MGA: variants seen among roughly 807,000 people sequenced by gnomAD.
The protein encoded by MGA is MAX dimerization protein MGA.
A neutral mutation model predicts 261.1 loss-of-function variants in MGA; 40 were observed. The ratio of observed to expected loss-of-function variants is 0.15; its 90% CI spans 0.12 to 0.20. The LOEUF (loss-of-function observed/expected upper bound fraction) is 0.20, where lower values mean the gene tolerates loss of function less well. MGA is among the 10% of genes least tolerant of loss of function. The pLI is 1.00. For missense variants in MGA, 3,397 were observed against 3,630.5 expected (o/e 0.94, Z 1.65); for synonymous variants, 1,302 against 1,290.6 (o/e 1.01, Z -0.19).
rs754614435 is a variant in MGA, at chr15:41,736,313, A to C, written c.4049A>C (p.Lys1350Thr). The C allele has an allele frequency of 2.9e-5, 47 of 1,613,864 alleles. No homozygotes were observed. In the African/African-American group the frequency reaches 5.3e-4, roughly 18 times the overall value. ...TGCAACTGGGAGGAAGATCGGAACA[A>C]GATTTTGAGCATCTTATCCCAGCAC... is the stretch of plus-strand genomic sequence containing the variant. Residue 1350 changes from lysine (K) to threonine (T), a missense_variant, in exon 13 of 24, where the codon AAG becomes ACG. Physicochemically the swap from Lys to Thr is moderately conservative, Grantham distance 78. Around this residue, in one of 9 missense-constraint regions of MGA, gnomAD observed 1,410 missense variants for 1,386.4 expected, o/e 1.02. Transcript: ENST00000219905.
intron 1 of MGA, among the ~76,000 whole-genome samples, chr15:41,644,367 AAAAG>A (rs1159611343): frequency 9.9e-5 from 15 of 150,764 alleles, no homozygotes; most frequent in South Asian, 2.1e-4. Flanking sequence ...AAAAAAAAAA[AAAAG>A]AAGGCCGGGT....
intron 13 of MGA, among the ~76,000 whole-genome samples, chr15:41,737,446 T>A (rs1046984150): frequency 3.2e-4 from 48 of 151,646 alleles, no homozygotes; most frequent in African/African-American, 1.1e-3. Flanking sequence ...TGAGCCACCA[T>A]GCATGGCTGA....
At chr15:41,636,437 T>A (rs887915619) in intron 1 of MGA, among the ~76,000 whole-genome samples, 3 of 149,218 alleles carry the variant, frequency 2.0e-5, no homozygotes, top group African/African-American at 7.4e-5. Context: ...GGATTACAGG[T>A]GCCTGCCACC....
intron 9 of MGA, among the ~76,000 whole-genome samples, chr15:41,714,362 C>CTTTTTGGGT (rs1366714232): frequency 1.3e-5 from 2 of 152,046 alleles, no homozygotes; most frequent in Admixed American, 6.6e-5. Context: ...TTTGGGTTTT[C>CTTTTTGGGT]TTTATTATAA....
At chr15:41,671,906 C>T (rs189458618) in intron 2 of MGA, among the ~76,000 whole-genome samples, 3 of 152,294 alleles carry the variant, frequency 2.0e-5, no homozygotes, top group Non-Finnish European at 2.9e-5. Flanking sequence ...TCAGGTTATA[C>T]TTTTTGCTGT....
At chr15:41,730,431 CTT>C (rs1257817748) in intron 11 of MGA, among the ~76,000 whole-genome samples, 5 of 150,660 alleles carry the variant, frequency 3.3e-5, no homozygotes, top group East Asian at 3.9e-4. Context: ...AAGAGCAAAA[CTT>C]TGTCTCAAAA....
intron 18 of MGA, among the ~76,000 whole-genome samples, chr15:41,757,586 T>C (rs533973658): frequency 4.6e-5 from 7 of 152,346 alleles, no homozygotes; most frequent in Non-Finnish European, 1.0e-4. Context: ...TATTTCATGA[T>C]TGTACAAAGT....
chr15:41,669,330 G>C lies in MGA; in HGVS notation c.436G>C (p.Gly146Arg). The C allele has an allele frequency of 6.2e-7, 1 of 1,613,970 alleles. No individual in the cohort carries two copies. Among genetic ancestry groups the C allele is most frequent in the Non-Finnish European group, 8.5e-7 (1 of 1,179,874 alleles). The change falls in exon 2 of 24, where the codon GGG becomes CGG. Residue 146 changes from glycine (G) to arginine (R), a missense_variant. Physicochemically the swap from Gly to Arg is moderately radical, Grantham distance 125 (BLOSUM62 -2). This residue lies in a region of MGA where 104 missense variants were observed against 212.9 expected (regional missense o/e 0.49). Transcript: ENST00000219905. ...GAATGGTCGTTGGTGGGAACCTAGTGGGAAGGCTGAACCTCATGTTTTGGG... is the reference window on the plus strand; with the variant it reads ...GAATGGTCGTTGGTGGGAACCTAGTCGGAAGGCTGAACCTCATGTTTTGGG...
chr15:41,684,411 T>A lies in MGA; in HGVS notation c.1065-11664T>A, dbSNP rs143164259. 6.6e-6 allele frequency: 3 copies of A among 453,706 alleles called. No individual in the cohort carries two copies. The Admixed American group carries it at 7.2e-5, about 11-fold the overall frequency. The allele number at this position is 453,706 out of a possible 1,614,324, so 28.1% of individuals were successfully genotyped here. A position where few individuals can be genotyped will look rare whatever the true frequency, so the allele number is the denominator to read the frequency against. ...TTGCCTAGGTATTCTTTTGCCTAAT[T>A]TATTTGGATAGAAGAGACTTCTCAG... On this transcript the variant is annotated intron_variant, in intron 2 of 23. Coordinates refer to ENST00000219905, the MANE Select transcript of MGA (RefSeq NM_001164273.2).
At chr15:41,710,645 A>G in intron 7 of MGA, 46 bp from the exon 8 acceptor site, 1 of 1,504,420 alleles carries the variant, frequency 6.6e-7, no homozygotes, top group Non-Finnish European at 8.9e-7. Flanking sequence ...AGATTCATAA[A>G]TCTGTCCTAG....
At chr15:41,640,990 A>G (rs1421978651) in intron 1 of MGA, among the ~76,000 whole-genome samples, 3 of 152,068 alleles carry the variant, frequency 2.0e-5, no homozygotes, top group Non-Finnish European at 4.4e-5. Context: ...GTCATTCCCT[A>G]TTTCTCCCCC....
At chr15:41,733,378 A>G (rs1018624178) in intron 11 of MGA, among the ~76,000 whole-genome samples, 9 of 152,176 alleles carry the variant, frequency 5.9e-5, no homozygotes, top group Admixed American at 5.9e-4. Context: ...AGTCTGTCCA[A>G]CCCATGGAGG....
At chr15:41,637,717 A>G (rs1269989576) in intron 1 of MGA, among the ~76,000 whole-genome samples, 10 of 152,074 alleles carry the variant, frequency 6.6e-5, no homozygotes, top group Non-Finnish European at 1.2e-4. Flanking sequence ...CCAGAAATGA[A>G]TATCTGTTAG....
intron 2 of MGA, among the ~76,000 whole-genome samples, chr15:41,685,307 A>G (rs1208289607): frequency 2.6e-5 from 4 of 152,254 alleles, no homozygotes; most frequent in African/African-American, 7.2e-5. Context: ...ATTCTGTTTC[A>G]TTGATTTATT....
chr15:41,721,231 G>C lies in MGA; in HGVS notation c.3431-5949G>C, dbSNP rs1385605651. Among the ~76,000 whole-genome samples, 7 of 152,296 alleles carry C rather than the reference G, an allele frequency of 4.6e-5. No homozygotes were observed. In the South Asian group the frequency reaches 1.2e-3, roughly 27 times the overall value. On this transcript the variant is annotated intron_variant, in intron 9 of 23. Transcript: ENST00000219905. Reference sequence around the variant, plus strand: ...GCCTGTGATTCCAGCACTTTGGGAGGCTGAGGTGGGTGGATTACTTGTGGT... The same window carrying C: ...GCCTGTGATTCCAGCACTTTGGGAGCCTGAGGTGGGTGGATTACTTGTGGT...
intron 18 of MGA, among the ~76,000 whole-genome samples, chr15:41,756,148 T>C (rs959175237): frequency 6.6e-5 from 10 of 152,120 alleles, no homozygotes; most frequent in African/African-American, 2.4e-4. Context: ...AACTCAGATA[T>C]GAAGAAAGTG....
intron 1 of MGA, among the ~76,000 whole-genome samples, chr15:41,634,090 T>A (rs919936658): frequency 1.3e-5 from 2 of 152,208 alleles, no homozygotes; most frequent in Non-Finnish European, 2.9e-5. Context: ...CTATTTTGAT[T>A]TCTTCCCCAT....
Position 41,710,960 on chromosome 15 carries a change from A to G in MGA, c.2695A>G (p.Lys899Glu), listed in dbSNP as rs1311363379. Residue 899 changes from lysine (K) to glutamate (E), a missense_variant, in exon 8 of 24, where the codon AAG becomes GAG. This residue lies in a region of MGA where 519 missense variants were observed against 554.1 expected (regional missense o/e 0.94). Coordinates refer to ENST00000219905, the MANE Select transcript of MGA (RefSeq NM_001164273.2). ...TGTACCCCCTGTCTCTCGAAAGGCA[A>G]AGTCTCAAAACAGACAGGCAACTTT... The G allele has an allele frequency of 3.7e-6, 6 of 1,613,858 alleles. No individual in the cohort carries two copies. The highest frequency in any genetic ancestry group is 1.7e-5 in the Admixed American group (1 of 59,998).
In MGA at chr15:41,727,180, C is replaced by G. The variant is rs531196834; in HGVS notation, c.3431C>G (p.Thr1144Ser). The change falls in exon 10 of 24, where the codon ACT becomes AGT. Residue 1144 changes from threonine to serine, a missense_variant and splice_region_variant. By Grantham distance (58) the Thr-to-Ser change is moderately conservative (BLOSUM62 1). This residue lies in a region of MGA where 519 missense variants were observed against 554.1 expected (regional missense o/e 0.94). Coordinates refer to ENST00000219905, the MANE Select transcript of MGA (RefSeq NM_001164273.2). ...AACCTTACCCTTCTTTTTTGTTAAG[C>G]TATATGTGAGACAGAGCCTGAACAG... 1.2e-6 allele frequency: 2 copies of G among 1,609,610 alleles called. No homozygotes were observed. Among genetic ancestry groups the G allele is most frequent in the Non-Finnish European group, 1.7e-6 (2 of 1,178,128 alleles).
Sources: allele counts gnomAD v4.1 joint callset (sites outside exome capture counted in the v4.1 genomes callset), GRCh38; gene constraint gnomAD v4.1.1; regional missense constraint gnomAD v4.1.1; transcripts MANE v1.5; gene names NCBI Gene and HGNC (gene_info 2026-07-23, HGNC 2026-07-21).